The following STAT6 variants were observed in gnomAD, a reference collection of about 807,000 sequenced individuals.
The protein encoded by STAT6 is STAT, interleukin4-induced.
A neutral mutation model predicts 106.3 loss-of-function variants in STAT6; 45 were observed. The ratio of observed to expected loss-of-function variants is 0.42; its 90% CI spans 0.33 to 0.54. The LOEUF is 0.54. Ranked by LOEUF, STAT6 falls within the 20% of genes least tolerant of loss-of-function variation. The pLI is 0.06. For missense variants in STAT6, 797 were observed against 1,062.2 expected, an observed-to-expected ratio of 0.75 and a Z score of 3.47; for synonymous variants, 413 against 413.6, an observed-to-expected ratio of 1.00 and a Z score of 0.02.
chr12:57,101,396 T>C (rs1279657097), intron 13 of STAT6, among the ~76,000 whole-genome samples: 2 of 150,598 alleles, frequency 1.3e-5, no homozygotes, highest in African/African-American at 4.9e-5. Flanking sequence ...CTTTTTTTTT[T>C]TTTTTTTTGA....
In STAT6 at chr12:57,105,217, C is replaced by G; in HGVS notation, c.935G>C (p.Arg312Thr). The G allele has an allele frequency of 1.2e-6, 2 of 1,614,106 alleles. No individual in the cohort carries two copies. Among genetic ancestry groups the G allele is most frequent in the South Asian group, 2.2e-5 (2 of 91,088 alleles). The change falls in exon 9 of 22, where the codon AGG (arginine) becomes ACG (threonine). Residue 312 changes from arginine (R) to threonine (T), a missense_variant. Physicochemically the swap from Arg to Thr is moderately conservative, Grantham distance 71. Coordinates refer to ENST00000300134, the MANE Select transcript of STAT6 (RefSeq NM_003153.5). Reference sequence around the variant, plus strand: ...CTGCTTCTCTGTCACCATGTCGGCCCTGACCAGCGGAGGCTTGGCTGGGGC... The same window carrying G: ...CTGCTTCTCTGTCACCATGTCGGCCGTGACCAGCGGAGGCTTGGCTGGGGC... ...LGAPAKPPLV[R>T]ADMVTEKQAR...
intron 8 of STAT6, 24 bp from the exon 9 acceptor site, chr12:57,105,363 G>C: frequency 6.2e-7 from 1 of 1,612,032 alleles, no homozygotes; most frequent in Non-Finnish European, 8.5e-7. Flanking sequence ...GGACACAAGG[G>C]GAGTTGGGGG....
At chr12:57,100,760 A>C (rs1022719645) in intron 13 of STAT6, 15 of 288,288 alleles carry the variant, frequency 5.2e-5, no homozygotes, top group Admixed American at 9.8e-5. Flanking sequence ...AGAAAAAAAA[A>C]CCAAAACATA....
chr12:57,100,461 A>G (rs913275581), intron 13 of STAT6, among the ~76,000 whole-genome samples: 1 of 151,944 alleles, frequency 6.6e-6, no homozygotes, highest in East Asian at 1.9e-4. Context: ...CTTAACTACT[A>G]TGCTACACCC....
intron 18 of STAT6, 29 bp downstream of exon 18, chr12:57,098,763 C>G (rs2033620794): frequency 6.2e-7 from 1 of 1,606,274 alleles, no homozygotes; most frequent in Non-Finnish European, 8.5e-7. Flanking sequence ...GCACAGACCA[C>G]TCCCATTCCT....
At chr12:57,105,082 G>C (rs368706719) in intron 9 of STAT6, 69 bp downstream of exon 9, 2 of 1,525,226 alleles carry the variant, frequency 1.3e-6, no homozygotes, top group Non-Finnish European at 1.8e-6. Flanking sequence ...TCTTTTCAGT[G>C]CCAGCCCTCC....
chr12:57,104,243 T>C (rs1047235693), intron 11 of STAT6: 21 of 601,066 alleles, frequency 3.5e-5, no homozygotes, highest in African/African-American at 3.0e-4. Context: ...CCCTGGTCTA[T>C]AGGAAGTGCT....
chr12:57,097,959 C>T (rs1328037432), intron 19 of STAT6, among the ~76,000 whole-genome samples: 1 of 152,090 alleles, frequency 6.6e-6, no homozygotes, highest in Non-Finnish European at 1.5e-5. Flanking sequence ...TTACTATTTC[C>T]TTATACTATT....
chr12:57,105,067 C>G lies in STAT6; in HGVS notation c.1001+84G>C, dbSNP rs1436451908. ...ATCCCATGGCCCTCCCTCCCCATCC[C>G]TTGCTCTTTTCAGTGCCAGCCCTCC... On this transcript the variant is annotated intron_variant, in intron 9 of 21. Coordinates refer to ENST00000300134, the MANE Select transcript of STAT6 (RefSeq NM_003153.5). 5 of 1,493,942 alleles carry G rather than the reference C, an allele frequency of 3.3e-6. No homozygotes were observed. The Admixed American group carries it at 9.5e-5, about 28-fold the overall frequency. The allele number at this position is 1,493,942 out of a possible 1,614,324, so 92.5% of individuals were successfully genotyped here.
intron 12 of STAT6, 73 bp downstream of exon 12, chr12:57,102,756 A>T: frequency 7.9e-7 from 1 of 1,267,444 alleles, no homozygotes; most frequent in Non-Finnish European, 1.2e-6. Context: ...CCACCCCATC[A>T]GCAGGCCTGC....
intron 13 of STAT6, chr12:57,100,767 CATAAA>C (rs2033876399): frequency 3.4e-6 from 1 of 293,046 alleles, no homozygotes; most frequent in East Asian, 1.3e-4. Flanking sequence ...AAAACCAAAA[CATAAA>C]ATAACATAAT....
In STAT6 at chr12:57,099,535, AAGGGAGAG is replaced by A; in HGVS notation, c.1745-103_1745-96del. The A allele has an allele frequency of 6.4e-7, 1 of 1,552,114 alleles. No individual in the cohort carries two copies. The highest frequency in any genetic ancestry group is 1.2e-5 in the South Asian group (1 of 86,208). ...AGACCTGTTCTCACTCCACCAAGGC[AAGGGAGAG>A]AGGACCTAGGGTGGGGCTCCTGAGG... On this transcript the variant is annotated intron_variant, in intron 15 of 21. Coordinates refer to ENST00000300134, the MANE Select transcript of STAT6 (RefSeq NM_003153.5). The surrounding 1 kb of genome is among the most constrained non-coding windows in gnomAD (Gnocchi z 4.7).
In STAT6 at chr12:57,100,034, G is replaced by C. The variant is rs949771196; in HGVS notation, c.1569C>G (p.Asp523Glu). 2 of 1,612,506 alleles carry C rather than the reference G, an allele frequency of 1.2e-6. No homozygotes were observed. The highest frequency in any genetic ancestry group is 4.5e-5 in the East Asian group (2 of 44,818). The change falls in exon 14 of 22, where the codon GAC (aspartate) becomes GAG (glutamate). Residue 523 changes from aspartate to glutamate, a missense_variant. Around this residue, in one of 4 missense-constraint regions of STAT6, gnomAD observed 222 missense variants for 354.6 expected, o/e 0.63. Transcript: ENST00000300134. ...AGCTCCGGAGACAGCGTTTGGTGAG[G>C]TCCAGGACACCATCAAACCACTGCC... The part of the protein sequence containing the change: ...TFWQWFDGVL[D>E]LTKRCLRSYW...
chr12:57,103,057 G>A, intron 11 of STAT6, 136 bp from the exon 12 acceptor site: 2 of 596,866 alleles, frequency 3.4e-6, no homozygotes, highest in South Asian at 2.4e-5. Context: ...GTGCAGTAGT[G>A]CAATCTCAGC....
intron 1 of STAT6, among the ~76,000 whole-genome samples, chr12:57,109,352 CACG>C (rs2034460670): frequency 6.6e-6 from 1 of 152,172 alleles, no homozygotes; most frequent in Non-Finnish European, 1.5e-5. Flanking sequence ...CTTCAGGCCT[CACG>C]ACACTTTTTA....
In STAT6 at chr12:57,104,559, G is replaced by C. The variant is rs367603540; in HGVS notation, c.1117C>G (p.Arg373Gly). 6.2e-7 allele frequency: 1 copy of C among 1,614,024 alleles called. No homozygotes were observed. The highest frequency in any genetic ancestry group is 8.5e-7 in the Non-Finnish European group (1 of 1,179,970). ...LLLKKIKRCERKGTESVTEEK... is the reference protein window; with the variant it reads ...LLLKKIKRCEGKGTESVTEEK... ...TCTGTGACAGACTCAGTGCCCTTCCGCTCACACCGCTTGATCTTCTTGAGA... is the reference window on the plus strand; with the variant it reads ...TCTGTGACAGACTCAGTGCCCTTCCCCTCACACCGCTTGATCTTCTTGAGA... The change falls in exon 11 of 22, where the codon CGG becomes GGG. Residue 373 changes from arginine to glycine, a missense_variant. Arg to Gly is a moderately radical substitution (Grantham distance 125). Transcript: ENST00000300134.
At chr12:57,102,750 C>T in intron 12 of STAT6, 79 bp downstream of exon 12, 4 of 1,218,288 alleles carry the variant, frequency 3.3e-6, no homozygotes, top group East Asian at 4.7e-5. Flanking sequence ...TGCCCACCAC[C>T]CCATCAGCAG....
In STAT6 at chr12:57,105,502, G is replaced by A. The variant is rs1434524172; in HGVS notation, c.778C>T (p.Arg260Trp). 12 of 1,613,944 alleles carry A rather than the reference G, an allele frequency of 7.4e-6. No individual in the cohort carries two copies. Among genetic ancestry groups the A allele is most frequent in the African/African-American group, 1.3e-5 (1 of 74,910 alleles). The change falls in exon 8 of 22, where the codon CGG (arginine) becomes TGG (tryptophan). Residue 260 changes from arginine (R) to tryptophan (W), a missense_variant. Transcript: ENST00000300134. The part of the protein sequence containing the change: ...EPKTRASLTG[R>W]LDEVLRTLVT... Reference sequence around the variant, plus strand: ...AGGGTTCTCAGGACTTCATCCAGCCGGCCAGTCAGCGATGCCCGGGTCTTG... The same window carrying A: ...AGGGTTCTCAGGACTTCATCCAGCCAGCCAGTCAGCGATGCCCGGGTCTTG...
At chr12:57,108,051 G>T in intron 2 of STAT6, 112 bp downstream of exon 2, 1 of 737,402 alleles carries the variant, frequency 1.4e-6, no homozygotes, top group Non-Finnish European at 2.3e-6. Flanking sequence ...CACTACACAT[G>T]GAATAACAGG....
Sources: gnomAD v4.1 joint callset for allele counts (sites outside exome capture counted in the v4.1 genomes callset) on GRCh38, gnomAD v4.1.1 for gene constraint, gnomAD v4.1.1 regional missense constraint, Gnocchi (gnomAD v3.1) non-coding constraint, MANE v1.5 for transcripts, NCBI Gene and HGNC (gene_info 2026-07-23, HGNC 2026-07-21) for gene names.